The following STK32C variants were observed in gnomAD, a reference collection of about 807,000 sequenced individuals.
The protein encoded by STK32C is serine/threonine kinase 32C.
A neutral mutation model predicts 56.5 loss-of-function variants in STK32C; 31 were observed. That is an observed-to-expected ratio of 0.55 (90% CI 0.41 to 0.74). STK32C has a LOEUF of 0.74. STK32C is among the 30% of genes least tolerant of loss of function. The pLI is 0.00. For synonymous variants in STK32C, 309 were observed against 289.4 expected (o/e 1.07, Z -0.69); for missense variants, 544 against 676.9 (o/e 0.80, Z 2.18).
rs535197971 is a variant in STK32C, at chr10:132,268,705, C to G, written c.263-22750G>C. Among the ~76,000 whole-genome samples, 611 of 143,894 alleles carry G rather than the reference C, an allele frequency of 4.2e-3. 21 individuals are homozygous for G. In the South Asian group the frequency reaches 0.087, roughly 20 times the overall value. 94.4% of individuals were successfully genotyped at this position (143,894 alleles called of 152,430 possible). A position where few individuals can be genotyped will look rare whatever the true frequency, so the allele number is the denominator to read the frequency against. ...TATGCCTGTCTGTGCGCATGCATGTCTCACATCGTGTGTGTGTGTGTCAGT... is the reference window on the plus strand; with the variant it reads ...TATGCCTGTCTGTGCGCATGCATGTGTCACATCGTGTGTGTGTGTGTCAGT... On this transcript the variant is annotated intron_variant, in intron 1 of 11. Transcript: ENST00000298630.
chr10:132,332,023 A>C (rs1590557215), upstream of STK32C: 65 of 267,762 alleles, frequency 2.4e-4, no homozygotes, highest in East Asian at 2.9e-4. Context: ...AGGGGCACCC[A>C]CACCCCGCCC....
intron 1 of STK32C, among the ~76,000 whole-genome samples, chr10:132,270,459 G>A (rs1249581379): frequency 2.0e-5 from 3 of 152,230 alleles, no homozygotes; most frequent in Non-Finnish European, 2.9e-5. Flanking sequence ...ATTGGCGAGA[G>A]CAAACCCTCC....
At chr10:132,311,167 G>A (rs7902972), upstream of STK32C, among the ~76,000 whole-genome samples, 2,201 of 152,288 alleles carry the variant, frequency 0.014, 45 homozygotes, top group South Asian at 0.045. The surrounding 1 kb of genome is among the most constrained non-coding windows in gnomAD (Gnocchi z 4.4). Flanking sequence ...CAGTCACACC[G>A]AGATGTGTGC....
chr10:132,210,151 G>A (rs772262370), intron 10 of STK32C, among the ~76,000 whole-genome samples: 13 of 152,326 alleles, frequency 8.5e-5, no homozygotes, highest in South Asian at 2.1e-4. Flanking sequence ...AACAGTCTGC[G>A]TTCACCCGAG....
intron 10 of STK32C, among the ~76,000 whole-genome samples, chr10:132,221,255 G>A (rs1429714212): frequency 1.3e-5 from 2 of 151,294 alleles, no homozygotes; most frequent in East Asian, 3.9e-4. Flanking sequence ...GCTTCACGTG[G>A]CCATCCCCAC....
intron 1 of STK32C, among the ~76,000 whole-genome samples, chr10:132,279,126 C>T (rs2138210111): frequency 6.6e-6 from 1 of 152,268 alleles, no homozygotes; most frequent in South Asian, 2.1e-4. Flanking sequence ...CAGCTGCACC[C>T]AGTTTAACAC....
At chr10:132,232,035 C>T (rs1189395704) in intron 2 of STK32C, among the ~76,000 whole-genome samples, 1 of 152,250 alleles carries the variant, frequency 6.6e-6, no homozygotes, top group African/African-American at 2.4e-5. Context: ...TCCTGTGTCT[C>T]TGCATCCCTG....
rs766860993 is a variant in STK32C, at chr10:132,245,903, G to A, written c.315C>T (p.Gly105=). Residue 105 remains glycine (G), a synonymous_variant, in exon 2 of 12, where the codon GGC becomes GGT. Transcript: ENST00000298630. ...ILRAIGKGSF[G]KVCIVQKRDT... is the part of the protein sequence containing the mutation. Reference sequence around the variant, plus strand: ...CCCACCCCAGGCCCTGCCTTACCTTGCCAAAGCTGCCCTTCCCAATGGCCC... The same window carrying A: ...CCCACCCCAGGCCCTGCCTTACCTTACCAAAGCTGCCCTTCCCAATGGCCC... 3.5e-5 allele frequency: 56 copies of A among 1,612,910 alleles called. No homozygotes were observed. The highest frequency in any genetic ancestry group is 4.7e-5 in the Non-Finnish European group (56 of 1,179,972).
intron 1 of STK32C, among the ~76,000 whole-genome samples, chr10:132,293,704 GC>G (rs2065642569): frequency 6.6e-6 from 1 of 152,196 alleles, no homozygotes; most frequent in Non-Finnish European, 1.5e-5. Context: ...AGATCACACA[GC>G]CAGGCACGTG....
chr10:132,233,195 TCTGCAG>T (rs929256152), intron 2 of STK32C, among the ~76,000 whole-genome samples: 7 of 152,052 alleles, frequency 4.6e-5, no homozygotes, highest in Non-Finnish European at 7.4e-5. Flanking sequence ...GGAGAAGGTG[TCTGCAG>T]CGGCTGAAGA....
At chr10:132,265,818 T>G (rs1488990783) in intron 1 of STK32C, among the ~76,000 whole-genome samples, 3 of 151,950 alleles carry the variant, frequency 2.0e-5, no homozygotes, top group Non-Finnish European at 4.4e-5. Flanking sequence ...GCGGGCCCCC[T>G]CCATCCCCCC....
intron 1 of STK32C, among the ~76,000 whole-genome samples, chr10:132,268,694 C>G (rs1289797442): frequency 1.5e-5 from 1 of 65,078 alleles, no homozygotes; most frequent in Non-Finnish European, 2.9e-5. Flanking sequence ...CCTGTCTGTG[C>G]GCATGCATGT....
intron 1 of STK32C, among the ~76,000 whole-genome samples, chr10:132,297,115 T>A (rs2065773083): frequency 6.6e-6 from 1 of 152,224 alleles, no homozygotes; most frequent in Non-Finnish European, 1.5e-5. Flanking sequence ...CGGGTGACAG[T>A]CACGGCTTAG....
intron 1 of STK32C, among the ~76,000 whole-genome samples, chr10:132,254,961 G>A (rs570581184): frequency 1.4e-4 from 21 of 152,136 alleles, no homozygotes; most frequent in Admixed American, 3.3e-4. Context: ...GGCCTGGGAC[G>A]CTTCCCTTCA....
intron 10 of STK32C, among the ~76,000 whole-genome samples, chr10:132,221,317 C>T (rs1164778007): frequency 1.2e-4 from 18 of 150,232 alleles, no homozygotes; most frequent in South Asian, 2.2e-4. Context: ...TTCACATGGC[C>T]GTCCCCACAC....
chr10:132,212,942 G>A (rs1445817523), intron 10 of STK32C, among the ~76,000 whole-genome samples: 3 of 152,260 alleles, frequency 2.0e-5, no homozygotes, highest in African/African-American at 7.2e-5. Flanking sequence ...CTGATGGTGT[G>A]TGGGAACACC....
chr10:132,258,703 C>CA (rs1300838085), intron 1 of STK32C, among the ~76,000 whole-genome samples: 1 of 152,232 alleles, frequency 6.6e-6, no homozygotes, highest in African/African-American at 2.4e-5. Context: ...TGAGGGCCAG[C>CA]AGGCCCTGGA....
chr10:132,268,532 C>T (rs1482124860), intron 1 of STK32C, among the ~76,000 whole-genome samples: 13 of 111,604 alleles, frequency 1.2e-4, no homozygotes, highest in African/African-American at 2.5e-4. Flanking sequence ...TGTGTGCATG[C>T]GTCACATTGT....
chr10:132,294,762 C>G (rs2065683388), intron 1 of STK32C, among the ~76,000 whole-genome samples: 1 of 152,172 alleles, frequency 6.6e-6, no homozygotes, highest in African/African-American at 2.4e-5. Context: ...GCACCATGGA[C>G]AGCTCTTCCC....
Sources: gnomAD v4.1 joint callset for allele counts (sites outside exome capture counted in the v4.1 genomes callset) on GRCh38, gnomAD v4.1.1 for gene constraint, Gnocchi (gnomAD v3.1) non-coding constraint, MANE v1.5 for transcripts, NCBI Gene and HGNC (gene_info 2026-07-23, HGNC 2026-07-21) for gene names.